The following CAPZA2 variants were observed in gnomAD, a reference collection of about 807,000 sequenced individuals.
CAPZA2 encodes the protein F-actin-capping protein subunit alpha-2.
A neutral mutation model predicts 44.0 loss-of-function variants in CAPZA2; 13 were observed. That is an observed-to-expected ratio of 0.30 (90% confidence interval 0.19 to 0.47). CAPZA2 has a LOEUF of 0.47. Among genes scored for constraint, CAPZA2 ranks in the 20% least tolerant of loss-of-function variants. The pLI, the probability that CAPZA2 is intolerant of heterozygous loss-of-function variation, is 1.00. For missense variants in CAPZA2, 244 were observed against 338.6 expected (o/e 0.72, Z 2.19); for synonymous variants, 94 against 108.2 (o/e 0.87, Z 0.81).
At chr7:116,912,585 A>G (rs1019110833) in intron 8 of CAPZA2, among the ~76,000 whole-genome samples, 4 of 152,192 alleles carry the variant, frequency 2.6e-5, no homozygotes, top group African/African-American at 9.7e-5. Context: ...TGTAATCATA[A>G]TATATAGTCT....
At chr7:116,881,940 G>T (rs1796708984) in intron 1 of CAPZA2, among the ~76,000 whole-genome samples, 1 of 151,934 alleles carries the variant, frequency 6.6e-6, no homozygotes, top group Admixed American at 6.6e-5. Context: ...TATTTTGTAG[G>T]CTGTCCCTCA....
chr7:116,899,144 T>C (rs1424686780), intron 4 of CAPZA2, among the ~76,000 whole-genome samples: 2 of 152,032 alleles, frequency 1.3e-5, no homozygotes, highest in African/African-American at 4.8e-5. Flanking sequence ...AGAATATATG[T>C]GTAGTAGATT....
chr7:116,874,948 G>A (rs1796603204), intron 1 of CAPZA2, among the ~76,000 whole-genome samples: 1 of 152,118 alleles, frequency 6.6e-6, no homozygotes, highest in African/African-American at 2.4e-5. Context: ...AATTAGCCAG[G>A]TATGGTGGTG....
At chr7:116,898,127 T>A (rs1381441277) in intron 3 of CAPZA2, among the ~76,000 whole-genome samples, 1 of 152,146 alleles carries the variant, frequency 6.6e-6, no homozygotes, top group African/African-American at 2.4e-5. Flanking sequence ...ACGGTCACTC[T>A]GCTCTTTTCT....
chr7:116,900,393 T>C (rs1796980768), intron 4 of CAPZA2, among the ~76,000 whole-genome samples: 1 of 149,206 alleles, frequency 6.7e-6, no homozygotes, highest in East Asian at 2.0e-4. Flanking sequence ...TCTAATAATA[T>C]AACTCCCAAC....
At chr7:116,895,996 A>C (rs1223381037) in intron 3 of CAPZA2, among the ~76,000 whole-genome samples, 1 of 152,154 alleles carries the variant, frequency 6.6e-6, no homozygotes, top group Non-Finnish European at 1.5e-5. Flanking sequence ...CATTATAAAA[A>C]CATTTAGAAT....
rs1021745026 is a variant in CAPZA2 at position 116,921,416 on chromosome 7, C to T, written c.*3549C>T. The T allele has an allele frequency of 6.6e-6, 1 of 151,062 alleles. No homozygotes were observed. Among genetic ancestry groups the T allele is most frequent in the African/African-American group, 2.4e-5 (1 of 40,990 alleles). 9.4% of individuals were successfully genotyped at this position (151,062 alleles called of 1,614,324 possible). On this transcript the variant is annotated 3_prime_UTR_variant, in exon 10 of 10. Coordinates refer to ENST00000361183, the MANE Select transcript of CAPZA2 (RefSeq NM_006136.3). Reference sequence around the variant, plus strand: ...AAAAGTGGTGGGCTGGCCACGATGGCTCACGCCTATAATCCCAGCACTTTG... The same window carrying T: ...AAAAGTGGTGGGCTGGCCACGATGGTTCACGCCTATAATCCCAGCACTTTG...
intron 1 of CAPZA2, among the ~76,000 whole-genome samples, chr7:116,877,057 T>C (rs1395824955): frequency 1.3e-5 from 2 of 152,220 alleles, no homozygotes; most frequent in Non-Finnish European, 2.9e-5. Flanking sequence ...AAAGATTGTT[T>C]GGCTAGGGGA....
rs1262328382 is a variant in CAPZA2, at chr7:116,918,552, A to G, written c.*685A>G. On this transcript the variant is annotated 3_prime_UTR_variant, in exon 10 of 10. Coordinates refer to ENST00000361183, the MANE Select transcript of CAPZA2 (RefSeq NM_006136.3). ...CTTTTTTTCTTGTGACAGTTACGCAAATCAGCTTGAATTCCATATGTCCCT... is the reference window on the plus strand; with the variant it reads ...CTTTTTTTCTTGTGACAGTTACGCAGATCAGCTTGAATTCCATATGTCCCT... The G allele has an allele frequency of 6.6e-6, 1 of 152,620 alleles. No individual in the cohort carries two copies. The highest frequency in any genetic ancestry group is 1.5e-5 in the Non-Finnish European group (1 of 68,024). 9.5% of individuals were successfully genotyped at this position (152,620 alleles called of 1,614,324 possible). A position where few individuals can be genotyped will look rare whatever the true frequency, so the allele number is the denominator to read the frequency against.
At chr7:116,911,704 T>G (rs1405938003) in intron 7 of CAPZA2, among the ~76,000 whole-genome samples, 2 of 152,104 alleles carry the variant, frequency 1.3e-5, no homozygotes, top group Non-Finnish European at 2.9e-5. Context: ...ATGTCTGAGT[T>G]TGGGGAATTA....
intron 1 of CAPZA2, among the ~76,000 whole-genome samples, chr7:116,881,709 A>C (rs973172158): frequency 2.1e-5 from 3 of 144,038 alleles, no homozygotes; most frequent in Admixed American, 7.4e-5. Flanking sequence ...ACTGCACTCC[A>C]GCCTGGGCAG....
intron 6 of CAPZA2, among the ~76,000 whole-genome samples, chr7:116,909,396 C>G (rs1361867699): frequency 6.6e-6 from 1 of 152,058 alleles, no homozygotes; most frequent in Non-Finnish European, 1.5e-5. Flanking sequence ...AACTACTCAT[C>G]CAGAATTTTG....
chr7:116,904,241 G>A lies in CAPZA2; in HGVS notation c.284G>A (p.Cys95Tyr), dbSNP rs1211089614. Residue 95 changes from cysteine (C) to tyrosine (Y), a missense_variant, in exon 5 of 10, where the codon TGT (cysteine) becomes TAT (tyrosine). By Grantham distance (194) the Cys-to-Tyr change is radical. Coordinates refer to ENST00000361183, the MANE Select transcript of CAPZA2 (RefSeq NM_006136.3). Reference sequence around the variant, plus strand: ...TTTTTGGATCCAAAGAACAGAATCTGTTTTAAATTTGATCACTTAAGGAAG... The same window carrying A: ...TTTTTGGATCCAAAGAACAGAATCTATTTTAAATTTGATCACTTAAGGAAG... Reference protein sequence around the residue: ...GKFLDPKNRICFKFDHLRKEA... With the variant: ...GKFLDPKNRIYFKFDHLRKEA... The A allele has an allele frequency of 1.2e-6, 2 of 1,613,930 alleles. No homozygotes were observed. Among genetic ancestry groups the A allele is most frequent in the East Asian group, 4.5e-5 (2 of 44,850 alleles).
chr7:116,875,227 A>C lies in CAPZA2; in HGVS notation c.39+12577A>C, dbSNP rs909971049. Reference sequence around the variant, plus strand: ...TCAGAGTCTTGTAGGGATTCCAAAGAAGGTTGAATGGAATCACAAACTACC... The same window carrying C: ...TCAGAGTCTTGTAGGGATTCCAAAGCAGGTTGAATGGAATCACAAACTACC... On this transcript the variant is annotated intron_variant, in intron 1 of 9. Transcript: ENST00000361183. 10 of 152,266 alleles carry C rather than the reference A, an allele frequency of 6.6e-5. 1 individual carries two copies. The highest frequency in any genetic ancestry group is 2.6e-4 in the Admixed American group (4 of 15,300). 9.4% of individuals were successfully genotyped at this position (152,266 alleles called of 1,614,324 possible).
chr7:116,901,118 A>G (rs1796989139), intron 4 of CAPZA2, among the ~76,000 whole-genome samples: 1 of 152,144 alleles, frequency 6.6e-6, no homozygotes, highest in Admixed American at 6.5e-5. Context: ...AGAGATCTAA[A>G]AACGGAATTA....
intron 3 of CAPZA2, among the ~76,000 whole-genome samples, chr7:116,893,969 T>A (rs1202499760): frequency 6.6e-6 from 1 of 152,216 alleles, no homozygotes; most frequent in Admixed American, 6.5e-5. Context: ...ATTCTACTAC[T>A]CATTTGAAAA....
intron 3 of CAPZA2, among the ~76,000 whole-genome samples, chr7:116,893,836 G>A (rs1006426080): frequency 2.0e-5 from 3 of 152,192 alleles, no homozygotes; most frequent in East Asian, 3.9e-4. Flanking sequence ...TTAATACATC[G>A]TCTTTGCACC....
chr7:116,893,164 T>C, intron 3 of CAPZA2, 119 bp downstream of exon 3: 1 of 545,502 alleles, frequency 1.8e-6, no homozygotes, highest in Non-Finnish European at 3.2e-6. Context: ...GGAGTCTCAC[T>C]CTGTCGTCCA....
At chr7:116,869,846 A>C (rs1357405081) in intron 1 of CAPZA2, among the ~76,000 whole-genome samples, 1 of 152,068 alleles carries the variant, frequency 6.6e-6, no homozygotes, top group African/African-American at 2.4e-5. Context: ...AGGAAATGGA[A>C]TGAATTGCAC....
Sources: allele counts gnomAD v4.1 joint callset (sites outside exome capture counted in the v4.1 genomes callset), GRCh38; gene constraint gnomAD v4.1.1; transcripts MANE v1.5; gene names NCBI Gene and HGNC (gene_info 2026-07-23, HGNC 2026-07-21).